Variants in KAT6B observed in about 807,000 individuals in gnomAD.
The protein encoded by KAT6B is lysine acetyltransferase 6B, also known as histone acetyltransferase KAT6B.
In KAT6B, 10 loss-of-function variants were observed where a neutral mutation model predicts 187.5. The ratio of observed to expected loss-of-function variants is 0.05; its 90% CI spans 0.03 to 0.09. KAT6B has a LOEUF of 0.09. KAT6B is among the 10% of genes least tolerant of loss of function. KAT6B has a pLI of 1.00. For missense variants in KAT6B, 1,952 were observed against 2,558.9 expected (o/e 0.76, Z 5.12); for synonymous variants, 861 against 926.8 (o/e 0.93, Z 1.29).
At chr10:74,999,681 C>T (rs150993673) in intron 13 of KAT6B, among the ~76,000 whole-genome samples, 162 of 152,272 alleles carry the variant, frequency 1.1e-3, no homozygotes, top group African/African-American at 3.6e-3. Context: ...GAATTACACA[C>T]ATTTACTCAC....
chr10:74,855,416 T>C (rs1193013699), intron 3 of KAT6B, among the ~76,000 whole-genome samples: 1 of 152,168 alleles, frequency 6.6e-6, no homozygotes, highest in Non-Finnish European at 1.5e-5. Flanking sequence ...AACATTATCT[T>C]GGGAAAGAGA....
intron 13 of KAT6B, among the ~76,000 whole-genome samples, chr10:75,008,609 C>T (rs910815095): frequency 1.3e-5 from 2 of 152,178 alleles, no homozygotes; most frequent in African/African-American, 4.8e-5. Flanking sequence ...TCTACCAAAG[C>T]AGAAGATGCT....
In KAT6B at chr10:75,029,474, G is replaced by C; in HGVS notation, c.4650G>C (p.Gln1550His). ...TCCAGGCCGTTCAGTCTTTGACCCAGGAGAGCAGCGAACAGGACGACACCT... is the reference window on the plus strand; with the variant it reads ...TCCAGGCCGTTCAGTCTTTGACCCACGAGAGCAGCGAACAGGACGACACCT... ...ETVQAVQSLT[Q>H]ESSEQDDTFQ... The change falls in exon 18 of 18, where the codon CAG (glutamine) becomes CAC (histidine). Residue 1550 changes from glutamine (Q) to histidine (H), a missense_variant. By Grantham distance (24) the Gln-to-His change is conservative (BLOSUM62 0). Coordinates refer to ENST00000287239, the MANE Select transcript of KAT6B (RefSeq NM_012330.4). The surrounding 1 kb of genome is among the most constrained non-coding windows in gnomAD (Gnocchi z 6.2). 1 of 1,614,172 alleles carries C rather than the reference G, an allele frequency of 6.2e-7. No individual in the cohort carries two copies. Among genetic ancestry groups the C allele is most frequent in the East Asian group, 2.2e-5 (1 of 44,874 alleles).
At chr10:74,942,765 CAAAAAAAAAAAAAAA>C (rs56276008) in intron 3 of KAT6B, among the ~76,000 whole-genome samples, 1 of 9,356 alleles carries the variant, frequency 1.1e-4, no homozygotes, top group East Asian at 3.6e-3. Context: ...AACTCCATCG[CAAAAAAAAAAAAAAA>C]AAAAAAAAAA....
chr10:74,948,624 C>T (rs1840105405), intron 3 of KAT6B, among the ~76,000 whole-genome samples: 1 of 152,232 alleles, frequency 6.6e-6, no homozygotes, highest in African/African-American at 2.4e-5. Context: ...TGTTTTGTAG[C>T]ACCATATCTA....
intron 4 of KAT6B, among the ~76,000 whole-genome samples, chr10:74,960,588 C>T (rs1007092825): frequency 1.3e-5 from 2 of 151,334 alleles, no homozygotes; most frequent in African/African-American, 4.9e-5. Flanking sequence ...ATCGACAGAA[C>T]ACCATAGCTA....
chr10:74,886,211 A>G (rs1845254214), intron 3 of KAT6B, among the ~76,000 whole-genome samples: 1 of 152,168 alleles, frequency 6.6e-6, no homozygotes, highest in South Asian at 2.1e-4. Flanking sequence ...AGGCAAGATT[A>G]ATTTTGTCTG....
At chr10:74,908,310 C>T (rs561736738) in intron 3 of KAT6B, among the ~76,000 whole-genome samples, 13 of 152,234 alleles carry the variant, frequency 8.5e-5, no homozygotes, top group African/African-American at 1.4e-4. Flanking sequence ...TGCCTGTAAT[C>T]GCGGCACTTT....
intron 13 of KAT6B, among the ~76,000 whole-genome samples, chr10:75,016,436 G>T (rs927887123): frequency 3.9e-5 from 6 of 152,212 alleles, no homozygotes; most frequent in Admixed American, 1.3e-4. Context: ...CCTGTATACT[G>T]AAAGTCAGAT....
At chr10:74,831,838 G>A (rs546689249) in intron 1 of KAT6B, among the ~76,000 whole-genome samples, 2 of 152,202 alleles carry the variant, frequency 1.3e-5, no homozygotes, top group Non-Finnish European at 2.9e-5. Flanking sequence ...CAGAGACTTA[G>A]ATTGATTTAG....
chr10:74,857,371 C>G (rs964222873), intron 3 of KAT6B, among the ~76,000 whole-genome samples: 9 of 152,186 alleles, frequency 5.9e-5, no homozygotes, highest in African/African-American at 2.2e-4. Context: ...TGATCCCTTC[C>G]TCCATCTTCA....
At chr10:74,852,022 T>G (rs1234497171) in intron 3 of KAT6B, among the ~76,000 whole-genome samples, 1 of 152,214 alleles carries the variant, frequency 6.6e-6, no homozygotes, top group Non-Finnish European at 1.5e-5. Context: ...CATTAGTCCA[T>G]ATTGTTCTTT....
chr10:74,932,165 C>T (rs1168437058), intron 3 of KAT6B, among the ~76,000 whole-genome samples: 2 of 152,310 alleles, frequency 1.3e-5, no homozygotes, highest in Admixed American at 1.3e-4. Flanking sequence ...GTAGTGGGCG[C>T]TCAAAAAATG....
chr10:74,895,857 G>T (rs181301624), intron 3 of KAT6B, among the ~76,000 whole-genome samples: 1 of 151,998 alleles, frequency 6.6e-6, no homozygotes, highest in African/African-American at 2.4e-5. Context: ...ACCTTCCCCA[G>T]CATGACTTCC....
intron 1 of KAT6B, among the ~76,000 whole-genome samples, chr10:74,837,566 A>C (rs1272880364): frequency 1.3e-5 from 2 of 152,244 alleles, no homozygotes; most frequent in African/African-American, 4.8e-5. Context: ...TCAGGAAAAA[A>C]AAAATCATTT....
At chr10:74,889,233 C>T (rs144417907) in intron 3 of KAT6B, among the ~76,000 whole-genome samples, 39 of 152,110 alleles carry the variant, frequency 2.6e-4, no homozygotes, top group African/African-American at 8.9e-4. Context: ...TATTGTGTAA[C>T]GAAAAATTTT....
At chr10:74,935,943 T>C (rs1023185050) in intron 3 of KAT6B, among the ~76,000 whole-genome samples, 2 of 152,190 alleles carry the variant, frequency 1.3e-5, no homozygotes, top group African/African-American at 4.8e-5. Flanking sequence ...AAAAGGATAG[T>C]GTGAAGAACA....
At chr10:74,839,953 G>A (rs1165981145) in intron 2 of KAT6B, among the ~76,000 whole-genome samples, 1 of 152,144 alleles carries the variant, frequency 6.6e-6, no homozygotes, top group African/African-American at 2.4e-5. Flanking sequence ...TGACATAGAT[G>A]ACAGAATCAA....
Position 75,022,111 on chromosome 10 carries a change from GGAAGAAGAGGAAGAGGAT to G in KAT6B, c.3258_3275del (p.Asp1090_Glu1095del). 6.2e-7 allele frequency: 1 copy of G among 1,600,540 alleles called. No individual in the cohort carries two copies. The highest frequency in any genetic ancestry group is 1.1e-5 in the South Asian group (1 of 90,852). The stretch of plus-strand genomic sequence containing the variant: ...AGGACGAGGAGGAGGAAGAAGAGGA[GGAAGAAGAGGAAGAGGAT>G]GAAGAGGAGGAAGAAGAGGAAGAAG... On this transcript the variant is annotated inframe_deletion, in exon 16 of 18. Coordinates refer to ENST00000287239, the MANE Select transcript of KAT6B (RefSeq NM_012330.4).
Sources: allele counts gnomAD v4.1 joint callset (sites outside exome capture counted in the v4.1 genomes callset), GRCh38; gene constraint gnomAD v4.1.1; non-coding constraint Gnocchi (gnomAD v3.1); transcripts MANE v1.5; gene names NCBI Gene and HGNC (gene_info 2026-07-23, HGNC 2026-07-21).